DAB1: variants seen among roughly 807,000 people sequenced by gnomAD.
The protein encoded by DAB1 is DAB adaptor protein 1.
In DAB1, 15 loss-of-function variants were observed where a neutral mutation model predicts 64.6. That is an observed-to-expected ratio of 0.23 (90% CI 0.16 to 0.36). The LOEUF (loss-of-function observed/expected upper bound fraction) is 0.36, where lower values mean the gene tolerates loss of function less well. DAB1 is among the 10% of genes least tolerant of loss of function. DAB1 has a pLI of 1.00. For synonymous variants in DAB1, 235 were observed against 251.9 expected, an observed-to-expected ratio of 0.93 and a Z score of 0.64; for missense variants, 596 against 706.7, an observed-to-expected ratio of 0.84 and a Z score of 1.78.
chr1:57,695,277 G>GA (rs1646812024), intron 6 of DAB1, among the ~76,000 whole-genome samples: 1 of 74,742 alleles, frequency 1.3e-5, no homozygotes. Flanking sequence ...AGGAAGGAAG[G>GA]AAGGAAGAAA....
chr1:57,575,851 T>C (rs558555675), intron 7 of DAB1, among the ~76,000 whole-genome samples: 2 of 152,318 alleles, frequency 1.3e-5, no homozygotes, highest in South Asian at 4.1e-4. Flanking sequence ...GTCTCTGCTC[T>C]CATGAAGTTG....
At chr1:58,397,103 G>C (rs1432473835) in intron 3 of DAB1, among the ~76,000 whole-genome samples, 1 of 151,992 alleles carries the variant, frequency 6.6e-6, no homozygotes, top group South Asian at 2.1e-4. Context: ...GAAACAGAGA[G>C]GGCAAGAGAG....
intron 3 of DAB1, among the ~76,000 whole-genome samples, chr1:58,490,038 T>G (rs1365007255): frequency 6.6e-6 from 1 of 152,248 alleles, no homozygotes; most frequent in South Asian, 2.1e-4. Context: ...AGAGTGCCTC[T>G]CCTCCTCCAA....
At chr1:57,922,845 C>CAAAAAAAAAAAAAAACAAAA (rs1644828255) in intron 5 of DAB1, among the ~76,000 whole-genome samples, 1 of 45,010 alleles carries the variant, frequency 2.2e-5, no homozygotes, top group Non-Finnish European at 3.6e-5. Flanking sequence ...GACTCCATCT[C>CAAAAAAAAAAAAAAACAAAA]AAAAAAAAAA....
chr1:58,380,095 C>T (rs115419454), intron 3 of DAB1, among the ~76,000 whole-genome samples: 188 of 152,248 alleles, frequency 1.2e-3, no homozygotes, highest in African/African-American at 4.2e-3. Context: ...CCTTGGATGC[C>T]ACCTGGGAAG....
At chr1:57,294,623 C>T (rs920239737) in intron 1 of DAB1, among the ~76,000 whole-genome samples, 2 of 152,062 alleles carry the variant, frequency 1.3e-5, no homozygotes, top group African/African-American at 4.8e-5. Context: ...CCATTATTTG[C>T]CAAGTATTAT....
At chr1:58,477,963 T>C (rs1355447429) in intron 3 of DAB1, among the ~76,000 whole-genome samples, 3 of 152,180 alleles carry the variant, frequency 2.0e-5, no homozygotes, top group Admixed American at 6.5e-5. Flanking sequence ...CATAGTAGAA[T>C]AGAATGCCTA....
chr1:57,383,167 A>T (rs1326258153), intron 1 of DAB1, among the ~76,000 whole-genome samples: 1 of 152,134 alleles, frequency 6.6e-6, no homozygotes, highest in Non-Finnish European at 1.5e-5. Flanking sequence ...GAATGAAAGA[A>T]ATTGAGATTA....
intron 2 of DAB1, among the ~76,000 whole-genome samples, chr1:57,238,054 CCTTG>C (rs1668222504): frequency 6.6e-6 from 1 of 152,102 alleles, no homozygotes; most frequent in African/African-American, 2.4e-5. Context: ...TGGAGGTTAG[CCTTG>C]GCTCTGTGGT....
At chr1:58,156,663 GA>G (rs1655243662) in intron 4 of DAB1, among the ~76,000 whole-genome samples, 1 of 152,176 alleles carries the variant, frequency 6.6e-6, no homozygotes, top group Admixed American at 6.5e-5. Flanking sequence ...GGCAAGATCT[GA>G]AAGACAGGGA....
intron 5 of DAB1, among the ~76,000 whole-genome samples, chr1:57,944,205 AACCAAGACTGTCTTTC>A (rs1645148156): frequency 6.6e-6 from 1 of 152,008 alleles, no homozygotes. Context: ...TCTTTCTTCA[AACCAAGACTGTCTTTC>A]ACCTGTCCTG....
At chr1:58,314,639 C>G (rs992965158) in intron 4 of DAB1, among the ~76,000 whole-genome samples, 1 of 152,182 alleles carries the variant, frequency 6.6e-6, no homozygotes, top group Non-Finnish European at 1.5e-5. Flanking sequence ...TTTTAGCAAA[C>G]TGACTCTCAG....
At chr1:57,067,366 G>A (rs968841558) in intron 8 of DAB1, among the ~76,000 whole-genome samples, 1 of 152,128 alleles carries the variant, frequency 6.6e-6, no homozygotes, top group African/African-American at 2.4e-5. Flanking sequence ...AGAGGTCAGA[G>A]GGACCTGCAG....
intron 4 of DAB1, among the ~76,000 whole-genome samples, chr1:58,178,132 G>A (rs574418817): frequency 1.3e-5 from 2 of 152,210 alleles, no homozygotes; most frequent in African/African-American, 4.8e-5. Flanking sequence ...AAAATCACCA[G>A]TAACCTCTTA....
chr1:58,240,738 A>G (rs1290373764), intron 4 of DAB1, among the ~76,000 whole-genome samples: 1 of 152,212 alleles, frequency 6.6e-6, no homozygotes. Context: ...CTTTATTCAT[A>G]GGAATGGCAC....
chr1:58,203,683 G>A (rs1194719130), intron 4 of DAB1, among the ~76,000 whole-genome samples: 1 of 152,180 alleles, frequency 6.6e-6, no homozygotes, highest in Non-Finnish European at 1.5e-5. Flanking sequence ...TGGTGCTGAT[G>A]CTGCAGGTCC....
chr1:57,508,945 A>G (rs941424773), intron 7 of DAB1, among the ~76,000 whole-genome samples: 6 of 151,840 alleles, frequency 4.0e-5, no homozygotes, highest in Non-Finnish European at 7.4e-5. Context: ...ATGCATTAAT[A>G]TATGATGTAC....
intron 5 of DAB1, among the ~76,000 whole-genome samples, chr1:57,927,504 C>G (rs1188875190): frequency 6.6e-6 from 1 of 152,238 alleles, no homozygotes; most frequent in East Asian, 1.9e-4. Context: ...GAGCAAGACT[C>G]TGTCTCAATT....
At chr1:57,628,482 C>T (rs1645949814) in intron 7 of DAB1, among the ~76,000 whole-genome samples, 2 of 152,158 alleles carry the variant, frequency 1.3e-5, no homozygotes, top group South Asian at 4.1e-4. Flanking sequence ...CTTCACTCAT[C>T]ACACATTCGC....
Sources: gnomAD v4.1 joint callset for allele counts (sites outside exome capture counted in the v4.1 genomes callset) on GRCh38, gnomAD v4.1.1 for gene constraint, MANE v1.5 for transcripts, NCBI Gene and HGNC (gene_info 2026-07-23, HGNC 2026-07-21) for gene names.